The following SLC2A11 variants were observed in gnomAD, a reference collection of about 807,000 sequenced individuals.
SLC2A11 encodes solute carrier family 2 member 11.
Under a neutral mutation model 52.1 loss-of-function variants are expected in SLC2A11, and 43 were observed. The ratio of observed to expected loss-of-function variants is 0.82; its 90% CI spans 0.65 to 1.06. The LOEUF (loss-of-function observed/expected upper bound fraction) is 1.06. SLC2A11 is among the 50% of genes least tolerant of loss of function. The pLI is 0.00. For missense variants in SLC2A11, 582 were observed against 654.2 expected (o/e 0.89, Z 1.20); for synonymous variants, 261 against 277.6 (o/e 0.94, Z 0.59).
Position 23,883,520 on chromosome 22 carries a change from G to A in SLC2A11, c.994-252G>A, listed in dbSNP as rs544882956. 1.9e-5 allele frequency: 9 copies of A among 481,128 alleles called. No individual in the cohort carries two copies. The South Asian group carries it at 3.5e-4, about 19-fold the overall frequency. 29.8% of individuals were successfully genotyped at this position (481,128 alleles called of 1,614,324 possible). A position where few individuals can be genotyped will look rare whatever the true frequency, so the allele number is the denominator to read the frequency against. Reference sequence around the variant, plus strand: ...CTGTCTCAATCAATCAATCAATGCAGTGAGTTAGAGAGCATCTATTGAGCA... The same window carrying A: ...CTGTCTCAATCAATCAATCAATGCAATGAGTTAGAGAGCATCTATTGAGCA... On this transcript the variant is annotated intron_variant, in intron 8 of 11. Coordinates refer to ENST00000316185, the MANE Select transcript of SLC2A11 (RefSeq NM_001024939.4).
chr22:23,859,596 A>G (rs1023730266), intron 1 of SLC2A11, among the ~76,000 whole-genome samples: 1 of 152,070 alleles, frequency 6.6e-6, no homozygotes, highest in Admixed American at 6.6e-5. Flanking sequence ...GATTCAAGCA[A>G]TTCTGCCTCA....
upstream of SLC2A11, chr22:23,857,096 G>C (rs1372367575): frequency 7.7e-7 from 1 of 1,291,142 alleles, no homozygotes; most frequent in Non-Finnish European, 1.1e-6. Flanking sequence ...GTGTAGGTGG[G>C]GCGTGCATAG....
At chr22:23,857,630 G>A (rs1310065768), upstream of SLC2A11, 6 of 1,003,110 alleles carry the variant, frequency 6.0e-6, no homozygotes, top group Non-Finnish European at 8.5e-6. Context: ...GAACTCCCCA[G>A]CACCCCCAGC....
At chr22:23,871,724 A>T (rs2032463855) in intron 3 of SLC2A11, 1 of 152,184 alleles carries the variant, frequency 6.6e-6, no homozygotes, top group Non-Finnish European at 1.5e-5. Flanking sequence ...CCTGGGTGAC[A>T]GAGCAAGACT....
At chr22:23,874,838 A>G (rs547483611) in intron 3 of SLC2A11, among the ~76,000 whole-genome samples, 4 of 151,512 alleles carry the variant, frequency 2.6e-5, no homozygotes, top group Admixed American at 6.6e-5. Context: ...GCCCGCTTCA[A>G]CCTCCCAAAG....
Position 23,882,614 on chromosome 22 carries a change from G to A in SLC2A11, c.850G>A (p.Gly284Ser). The A allele has an allele frequency of 1.9e-6, 3 of 1,613,382 alleles. No homozygotes were observed. The highest frequency in any genetic ancestry group is 2.5e-6 in the Non-Finnish European group (3 of 1,179,810). ...RRQVTSLVVL[G>S]SAMELCGNDS... ...ACAGGTGACAAGCCTCGTGGTTCTGGGCAGTGCCATGGAGCTCTGCGGGAA... is the reference window on the plus strand; with the variant it reads ...ACAGGTGACAAGCCTCGTGGTTCTGAGCAGTGCCATGGAGCTCTGCGGGAA... Residue 284 changes from glycine to serine, a missense_variant, in exon 7 of 12, where the codon GGC becomes AGC. Transcript: ENST00000316185.
intron 2 of SLC2A11, among the ~76,000 whole-genome samples, chr22:23,865,013 A>T (rs1047390734): frequency 6.7e-6 from 1 of 150,220 alleles, no homozygotes; most frequent in Non-Finnish European, 1.5e-5. Flanking sequence ...AGGCTGAGGC[A>T]GGAAAATTGC....
chr22:23,877,344 A>G (rs573221803), intron 5 of SLC2A11, 173 bp downstream of exon 5: 2 of 1,065,012 alleles, frequency 1.9e-6, no homozygotes, highest in African/African-American at 3.1e-5. Flanking sequence ...GGTATCAGTC[A>G]ACACACTGCA....
chr22:23,881,845 CACAGAG>C (rs1757742887), intron 6 of SLC2A11: 1 of 124,862 alleles, frequency 8.0e-6, no homozygotes, highest in Non-Finnish European at 1.7e-5. Context: ...CACACACAGA[CACAGAG>C]ACAGAGAGAT....
At chr22:23,860,725 T>TC (rs2032020079) in intron 1 of SLC2A11, among the ~76,000 whole-genome samples, 1 of 59,442 alleles carries the variant, frequency 1.7e-5, no homozygotes, top group African/African-American at 5.7e-5. Context: ...AGAGCAAAAC[T>TC]CCGTCTCTTT....
At chr22:23,877,217 G>A (rs1002607680) in intron 5 of SLC2A11, 46 bp downstream of exon 5, 19 of 1,577,130 alleles carry the variant, frequency 1.2e-5, no homozygotes, top group Non-Finnish European at 1.5e-5. Context: ...GGAGATACCA[G>A]TAAAAGCGTT....
intron 6 of SLC2A11, among the ~76,000 whole-genome samples, chr22:23,878,405 G>A (rs66665509): frequency 0.013 from 2,019 of 152,264 alleles, 53 homozygotes; most frequent in African/African-American, 0.046. Flanking sequence ...GGTCTAGGCT[G>A]GTCTGGACTG....
chr22:23,878,719 G>A (rs1031290457), intron 6 of SLC2A11, among the ~76,000 whole-genome samples: 9 of 152,148 alleles, frequency 5.9e-5, no homozygotes, highest in South Asian at 4.1e-4. Flanking sequence ...CACCATGGCC[G>A]CAATTATTAC....
At position 23,875,255 on chromosome 22, in the gene SLC2A11, G is replaced by C. The variant is rs371743955; in HGVS notation, c.415+14G>C. The C allele has an allele frequency of 1.8e-5, 25 of 1,410,498 alleles. No individual in the cohort carries two copies. Among genetic ancestry groups the C allele is most frequent in the Middle Eastern group, 2.0e-4 (1 of 5,068 alleles). The allele number at this position is 1,410,498 out of a possible 1,614,324, so 87.4% of individuals were successfully genotyped here. On this transcript the variant is annotated intron_variant, in intron 4 of 11. Transcript: ENST00000316185. ...GAGTCAATGCAGGTATGGGGTGGGGGCTTCTCATCCTGCCTCTCTATGCCT... is the reference window on the plus strand; with the variant it reads ...GAGTCAATGCAGGTATGGGGTGGGGCCTTCTCATCCTGCCTCTCTATGCCT...
At chr22:23,869,641 C>T (rs910386207) in intron 3 of SLC2A11, 8 of 217,588 alleles carry the variant, frequency 3.7e-5, no homozygotes, top group Non-Finnish European at 7.2e-5. Flanking sequence ...CACAGTGAGC[C>T]CCTGTCTCAA....
rs74682834 is a variant in SLC2A11, at chr22:23,874,941, G to C, written c.291-176G>C. 23 of 591,708 alleles carry C rather than the reference G, an allele frequency of 3.9e-5. No homozygotes were observed. In the African/African-American group the frequency reaches 4.2e-4, roughly 11 times the overall value. The allele number at this position is 591,708 out of a possible 1,614,324, so 36.7% of individuals were successfully genotyped here. On this transcript the variant is annotated intron_variant, in intron 3 of 11. Coordinates refer to ENST00000316185, the MANE Select transcript of SLC2A11 (RefSeq NM_001024939.4). ...TTACAACAGACGTGTAAGTGTAGGA[G>C]CTCTCATCTCATTTGACAGCAAGGA...
At chr22:23,880,359 A>G (rs948744137) in intron 6 of SLC2A11, 15 of 152,056 alleles carry the variant, frequency 9.9e-5, no homozygotes, top group African/African-American at 3.6e-4. Context: ...CCAAACTGGC[A>G]GAGCTTTTGC....
intron 8 of SLC2A11, 150 bp from the exon 9 acceptor site, chr22:23,883,622 G>A: frequency 1.6e-6 from 1 of 621,964 alleles, no homozygotes; most frequent in Non-Finnish European, 2.6e-6. Context: ...GATTGACCAA[G>A]TTCCTTTGGG....
upstream of SLC2A11, chr22:23,857,291 G>T: frequency 2.3e-6 from 2 of 865,936 alleles, no homozygotes; most frequent in Non-Finnish European, 3.7e-6. Context: ...GGGGGACGAG[G>T]GGCCAGAGCC....
Sources: allele counts gnomAD v4.1 joint callset (sites outside exome capture counted in the v4.1 genomes callset), GRCh38; gene constraint gnomAD v4.1.1; transcripts MANE v1.5; gene names NCBI Gene and HGNC (gene_info 2026-07-23, HGNC 2026-07-21).